Variants in MID1IP1 observed in about 807,000 individuals in gnomAD.
MID1IP1 encodes the protein MID1 interacting protein 1, also known as mid1-interacting protein 1.
Under a neutral mutation model 6.8 loss-of-function variants are expected in MID1IP1, and 3 were observed. That is an observed-to-expected ratio of 0.44 (90% CI 0.20 to 1.14). The LOEUF is 1.14. Ranked by LOEUF, MID1IP1 falls within the 50% of genes most tolerant of loss-of-function variation. The pLI, the probability that MID1IP1 is intolerant of heterozygous loss-of-function variation, is 0.26. For missense variants in MID1IP1, 127 were observed against 158.4 expected, an observed-to-expected ratio of 0.80 and a Z score of 1.06; for synonymous variants, 87 against 70.4, an observed-to-expected ratio of 1.24 and a Z score of -1.18.
At position 38,804,986 on chromosome X, in the gene MID1IP1, C is replaced by T; in HGVS notation, c.40C>T (p.Leu14Phe). The T allele has an allele frequency of 8.4e-7, 1 of 1,193,207 alleles. No individual in the cohort carries two copies. The highest frequency in any genetic ancestry group is 1.1e-6 in the Non-Finnish European group (1 of 882,969). Residue 14 changes from leucine (L) to phenylalanine (F), a missense_variant, in exon 3 of 3, where the codon CTC (leucine) becomes TTC (phenylalanine). Transcript: ENST00000614558. ...CGACACCTACAACCAGAAGCACTCGCTCTTTAACGCCATGAATCGCTTCAT... is the reference window on the plus strand; with the variant it reads ...CGACACCTACAACCAGAAGCACTCGTTCTTTAACGCCATGAATCGCTTCAT... ...ICDTYNQKHS[L>F]FNAMNRFIGA...
rs1323294452 is a variant in MID1IP1, at chrX:38,805,486, T to C, written c.540T>C (p.Asn180=). The stretch of plus-strand genomic sequence containing the variant: ...ACAAGCAGGAGATCGGCTTCGGCAA[T>C]TGGGGCCACTGAGGCGTGGCGCCCG... ...NRYKQEIGFG[N]WGH is the part of the protein sequence containing the mutation. The change falls in exon 3 of 3, where the codon AAT becomes AAC. Residue 180 remains asparagine, a synonymous_variant. Transcript: ENST00000614558. 4 of 1,208,957 alleles carry C rather than the reference T, an allele frequency of 3.3e-6. No individual in the cohort carries two copies. The highest frequency in any genetic ancestry group is 4.4e-5 in the Admixed American group (2 of 45,864).
chrX:38,805,124 G>A lies in MID1IP1; in HGVS notation c.178G>A (p.Gly60Ser), dbSNP rs1970570043. The A allele has an allele frequency of 8.3e-7, 1 of 1,208,767 alleles. No homozygotes were observed. Among genetic ancestry groups the A allele is most frequent in the Non-Finnish European group, 1.1e-6 (1 of 893,879 alleles). ...TGTTGGCGTGGAGGTAGGCGGCAGTGGCGGCTGCCTGGAGGAGCGCACGCC... is the reference window on the plus strand; with the variant it reads ...TGTTGGCGTGGAGGTAGGCGGCAGTAGCGGCTGCCTGGAGGAGCGCACGCC... ...NDVGVEVGGS[G>S]GCLEERTPPV... The change falls in exon 3 of 3, where the codon GGC (glycine) becomes AGC (serine). Residue 60 changes from glycine to serine, a missense_variant. Coordinates refer to ENST00000614558, the MANE Select transcript of MID1IP1 (RefSeq NM_021242.6).
Sources: gnomAD v4.1 joint callset for allele counts on GRCh38, gnomAD v4.1.1 for gene constraint, MANE v1.5 for transcripts, NCBI Gene and HGNC (gene_info 2026-07-23, HGNC 2026-07-21) for gene names.